The following SAMD3 variants were observed in gnomAD, a reference collection of about 807,000 sequenced individuals.
SAMD3 encodes sterile alpha motif domain-containing protein 3.
A neutral mutation model predicts 58.5 loss-of-function variants in SAMD3; 63 were observed. That is an observed-to-expected ratio of 1.08 (90% CI 0.88 to 1.33). The LOEUF is 1.33. SAMD3 is among the 40% of genes most tolerant of loss of function. The pLI is 0.00. For synonymous variants in SAMD3, 220 were observed against 210.3 expected, an observed-to-expected ratio of 1.05 and a Z score of -0.40; for missense variants, 604 against 608.4, an observed-to-expected ratio of 0.99 and a Z score of 0.08.
intron 6 of SAMD3, 64 bp downstream of exon 6, chr6:130,184,374 A>T: frequency 6.8e-7 from 1 of 1,474,424 alleles, no homozygotes; most frequent in African/African-American, 1.4e-5. Flanking sequence ...ATTCCACAGG[A>T]ATTCTACTCT....
intron 2 of SAMD3, among the ~76,000 whole-genome samples, chr6:130,291,650 A>C (rs1249042131): frequency 4.6e-5 from 7 of 152,216 alleles, no homozygotes; most frequent in Admixed American, 4.6e-4. Flanking sequence ...GATCTAAAGC[A>C]ATTTGTTGAT....
intron 5 of SAMD3, 139 bp from the exon 6 acceptor site, chr6:130,184,762 T>C (rs775511956): frequency 9.1e-5 from 56 of 618,274 alleles, no homozygotes; most frequent in South Asian, 1.6e-4. Flanking sequence ...CCATCTTCCA[T>C]CCATTCATCC....
At chr6:130,266,739 T>A (rs527719369) in intron 2 of SAMD3, among the ~76,000 whole-genome samples, 1 of 152,182 alleles carries the variant, frequency 6.6e-6, no homozygotes, top group Admixed American at 6.5e-5. Context: ...ATTGGAATTA[T>A]TAAACCATCT....
chr6:130,325,764 T>C (rs1049181184), intron 1 of SAMD3, among the ~76,000 whole-genome samples: 3 of 152,210 alleles, frequency 2.0e-5, no homozygotes, highest in African/African-American at 7.2e-5. Context: ...ACTCTTTAAA[T>C]GTCATGGTTC....
chr6:130,238,289 T>A (rs1773234087), intron 2 of SAMD3, among the ~76,000 whole-genome samples: 1 of 152,196 alleles, frequency 6.6e-6, no homozygotes, highest in Non-Finnish European at 1.5e-5. Context: ...AATTGATAGT[T>A]ATTAAAAACG....
chr6:130,249,510 G>GTATA (rs1415557306), intron 2 of SAMD3, among the ~76,000 whole-genome samples: 6 of 152,088 alleles, frequency 3.9e-5, no homozygotes, highest in African/African-American at 1.4e-4. Context: ...ACGGCAGCTT[G>GTATA]TATACATGTA....
rs780683074 is a variant in SAMD3, at chr6:130,144,811, AAAAG to A, written c.1279-11_1279-8del. The A allele has an allele frequency of 1.1e-5, 17 of 1,605,068 alleles. No homozygotes were observed. The highest frequency in any genetic ancestry group is 1.4e-5 in the Non-Finnish European group (16 of 1,176,452). ...CAGGTGTGGACACTTGCACCTGAAA[AAAAG>A]AGTGGAGTCATTACCATGATACGTA... On this transcript the variant is annotated splice_region_variant and splice_polypyrimidine_tract_variant and intron_variant, in intron 11 of 11. Coordinates refer to ENST00000439090, the MANE Select transcript of SAMD3 (RefSeq NM_001017373.4).
chr6:130,345,846 G>C (rs1424130770), intron 1 of SAMD3, among the ~76,000 whole-genome samples: 1 of 152,178 alleles, frequency 6.6e-6, no homozygotes, highest in Non-Finnish European at 1.5e-5. Flanking sequence ...ATTGGAACCA[G>C]AAAAGTCTCA....
chr6:130,258,848 T>G (rs1399837266), intron 2 of SAMD3, among the ~76,000 whole-genome samples: 1 of 152,236 alleles, frequency 6.6e-6, no homozygotes, highest in Non-Finnish European at 1.5e-5. Flanking sequence ...TTAGTTCAAA[T>G]TTCTTTAAAA....
chr6:130,210,341 G>A (rs987692639), intron 4 of SAMD3, among the ~76,000 whole-genome samples: 2 of 152,188 alleles, frequency 1.3e-5, no homozygotes, highest in East Asian at 3.8e-4. Flanking sequence ...CTCAACATCT[G>A]TAATCCCAGC....
chr6:130,205,634 C>G (rs1795020267), intron 5 of SAMD3, among the ~76,000 whole-genome samples: 1 of 152,122 alleles, frequency 6.6e-6, no homozygotes, highest in Non-Finnish European at 1.5e-5. Flanking sequence ...CCTATTGAGC[C>G]TCTATGTGTG....
At chr6:130,217,710 C>T (rs563332279) in intron 1 of SAMD3, among the ~76,000 whole-genome samples, 2 of 152,298 alleles carry the variant, frequency 1.3e-5, no homozygotes, top group Admixed American at 6.5e-5. Context: ...ACAAAACATT[C>T]GACCACAAAA....
chr6:130,312,957 G>A (rs1017698852), intron 2 of SAMD3: 11 of 152,190 alleles, frequency 7.2e-5, no homozygotes, highest in Admixed American at 5.2e-4. Flanking sequence ...TGATGGGAAC[G>A]CGAGGCAGTT....
intron 1 of SAMD3, among the ~76,000 whole-genome samples, chr6:130,352,875 A>G (rs143736378): frequency 5.2e-4 from 79 of 152,358 alleles, no homozygotes; most frequent in Non-Finnish European, 9.3e-4. Flanking sequence ...TTTATGATAT[A>G]CTGTAGAAAT....
intron 2 of SAMD3, among the ~76,000 whole-genome samples, chr6:130,235,529 C>T (rs56301352): frequency 0.14 from 21,696 of 151,982 alleles, 1,766 homozygotes; most frequent in East Asian, 0.36. Context: ...CACAAAGTAT[C>T]GGCAGTCAAA....
intron 2 of SAMD3, among the ~76,000 whole-genome samples, chr6:130,248,851 C>A (rs568483304): frequency 1.2e-4 from 18 of 152,232 alleles, no homozygotes; most frequent in Admixed American, 3.3e-4. Flanking sequence ...ATGAATCCTG[C>A]TCTTATTCCT....
intron 1 of SAMD3, among the ~76,000 whole-genome samples, chr6:130,357,972 T>C (rs941433174): frequency 6.6e-6 from 1 of 152,232 alleles, no homozygotes; most frequent in Non-Finnish European, 1.5e-5. Context: ...ATTTACCTTG[T>C]CAGTAGGAAA....
chr6:130,155,650 TAA>T (rs564202575), intron 8 of SAMD3, among the ~76,000 whole-genome samples: 3 of 152,298 alleles, frequency 2.0e-5, no homozygotes, highest in African/African-American at 7.2e-5. Flanking sequence ...AAATATGAGT[TAA>T]GAGGACAGTC....
rs532497016 is a variant in SAMD3 at position 130,154,780 on chromosome 6, A to G, written c.1023+45T>C. On this transcript the variant is annotated intron_variant, in intron 9 of 11. Transcript: ENST00000439090. ...AATATTAAAATATGTGTGTGTGTGT[A>G]TATACATATATATGTGTGTGTATAT... The G allele has an allele frequency of 2.0e-4, 184 of 930,164 alleles. 1 individual carries two copies. The South Asian group carries it at 2.5e-3, about 13-fold the overall frequency. 57.6% of individuals were successfully genotyped at this position (930,164 alleles called of 1,614,324 possible).
Sources: gnomAD v4.1 joint callset for allele counts (sites outside exome capture counted in the v4.1 genomes callset) on GRCh38, gnomAD v4.1.1 for gene constraint, MANE v1.5 for transcripts, NCBI Gene and HGNC (gene_info 2026-07-23, HGNC 2026-07-21) for gene names.